RBBP4: variants seen among roughly 807,000 people sequenced by gnomAD.
The protein encoded by RBBP4 is histone-binding protein RBBP4.
In RBBP4, 3 loss-of-function variants were observed where a neutral mutation model predicts 57.2. The ratio of observed to expected loss-of-function variants is 0.05; its 90% CI spans 0.02 to 0.14. The LOEUF (loss-of-function observed/expected upper bound fraction) is 0.14. Ranked by LOEUF, RBBP4 falls within the 10% of genes least tolerant of loss-of-function variation. RBBP4 has a pLI of 1.00. For missense variants in RBBP4, 107 were observed against 520.6 expected (o/e 0.21, Z 7.73); for synonymous variants, 151 against 171.5 (o/e 0.88, Z 0.93).
At position 32,668,418 on chromosome 1, in the gene RBBP4, C is replaced by A. The variant is rs1648742299; in HGVS notation, c.484+20C>A. The A allele has an allele frequency of 6.5e-7, 1 of 1,546,760 alleles. No homozygotes were observed. On this transcript the variant is annotated intron_variant, in intron 4 of 11. Transcript: ENST00000373493. The stretch of plus-strand genomic sequence containing the variant: ...AACCAGGTATGTGCCCTTTTCTATT[C>A]AAATACAAATGAGTCACTATAGAAA...
chr1:32,673,850 G>A (rs1648980593), intron 11 of RBBP4, among the ~76,000 whole-genome samples: 1 of 152,164 alleles, frequency 6.6e-6, no homozygotes, highest in African/African-American at 2.4e-5. Context: ...TGTAATCCCA[G>A]TACTCTGGGA....
At chr1:32,678,755 G>A (rs776508132) in intron 11 of RBBP4, among the ~76,000 whole-genome samples, 2 of 151,246 alleles carry the variant, frequency 1.3e-5, no homozygotes, top group African/African-American at 2.4e-5. Flanking sequence ...ACACATGGCT[G>A]ATTTTTGTAT....
At chr1:32,652,445 A>G in intron 2 of RBBP4, 1 of 185,858 alleles carries the variant, frequency 5.4e-6, no homozygotes, top group East Asian at 1.4e-4. Flanking sequence ...TGAGGCCAGG[A>G]GTTGGAGACC....
At position 32,683,928 on chromosome 1, in the gene RBBP4, C is replaced by T. The variant is rs1365087013; in HGVS notation, c.*4223C>T. On this transcript the variant is annotated 3_prime_UTR_variant, in exon 12 of 12. Coordinates refer to ENST00000373493, the MANE Select transcript of RBBP4 (RefSeq NM_005610.3). ...GATTACAGGCGTGAGCCACCCCGTC[C>T]GGCCTGTTTTTAAGGCATTAATTAG... 1.8e-5 allele frequency: 26 copies of T among 1,411,848 alleles called. No homozygotes were observed. The highest frequency in any genetic ancestry group is 1.8e-4 in the Middle Eastern group (1 of 5,672). The allele number at this position is 1,411,848 out of a possible 1,614,324, so 87.5% of individuals were successfully genotyped here.
At chr1:32,659,329 G>A (rs574309258) in intron 3 of RBBP4, among the ~76,000 whole-genome samples, 1 of 151,966 alleles carries the variant, frequency 6.6e-6, no homozygotes, top group South Asian at 2.1e-4. Context: ...GGGAGGCTGA[G>A]ACCAGTGGAT....
At chr1:32,662,758 T>C (rs1183754129) in intron 3 of RBBP4, among the ~76,000 whole-genome samples, 1 of 151,380 alleles carries the variant, frequency 6.6e-6, no homozygotes, top group African/African-American at 2.4e-5. Flanking sequence ...GGCCGAGGCT[T>C]ATGGATCACG....
intron 3 of RBBP4, among the ~76,000 whole-genome samples, chr1:32,659,877 G>A (rs1429964721): frequency 1.3e-5 from 2 of 152,122 alleles, no homozygotes; most frequent in African/African-American, 2.4e-5. Flanking sequence ...GACTTCAAAA[G>A]CATAGTTTTG....
In RBBP4 at chr1:32,669,990, G is replaced by A. The variant is rs915685045; in HGVS notation, c.966+427G>A. ...AATCTATATGCCTATGCTACTTTCT[G>A]TGGGAATTGTTTTTTCTTTGTTATT... On this transcript the variant is annotated intron_variant, in intron 8 of 11. Coordinates refer to ENST00000373493, the MANE Select transcript of RBBP4 (RefSeq NM_005610.3). The surrounding 1 kb of genome is among the most constrained non-coding windows in gnomAD (Gnocchi z 4.9). Among the ~76,000 whole-genome samples, 3 of 152,210 alleles carry A rather than the reference G, an allele frequency of 2.0e-5. No homozygotes were observed. The highest frequency in any genetic ancestry group is 2.9e-5 in the Non-Finnish European group (2 of 68,024).
intron 11 of RBBP4, chr1:32,673,545 C>G (rs928119908): frequency 2.5e-6 from 1 of 396,656 alleles, no homozygotes; most frequent in Non-Finnish European, 4.9e-6. Context: ...TCGATCGATT[C>G]TCCTGCCTCA....
chr1:32,654,548 A>G (rs375125811), intron 2 of RBBP4, among the ~76,000 whole-genome samples: 17 of 152,344 alleles, frequency 1.1e-4, no homozygotes, highest in East Asian at 5.8e-4. Flanking sequence ...GAAACTTCCC[A>G]AGTAATATAA....
chr1:32,670,674 G>A (rs1648835341), intron 8 of RBBP4, among the ~76,000 whole-genome samples: 1 of 152,106 alleles, frequency 6.6e-6, no homozygotes, highest in Admixed American at 6.5e-5. Flanking sequence ...CCAGGCTAAA[G>A]GGATTCTCCT....
chr1:32,665,465 G>A (rs1648603843), intron 3 of RBBP4, among the ~76,000 whole-genome samples: 1 of 152,076 alleles, frequency 6.6e-6, no homozygotes, highest in Non-Finnish European at 1.5e-5. Flanking sequence ...ATTATCTGAT[G>A]TCAGGAGTTC....
intron 2 of RBBP4, 45 bp from the exon 3 acceptor site, chr1:32,657,382 C>A: frequency 6.3e-7 from 1 of 1,577,618 alleles, no homozygotes; most frequent in Non-Finnish European, 8.7e-7. Context: ...TTCGCCGTCT[C>A]CTGATGTTAC....
At chr1:32,651,390 C>G in intron 1 of RBBP4, 68 bp downstream of exon 1, 3 of 1,400,278 alleles carry the variant, frequency 2.1e-6, no homozygotes, top group Non-Finnish European at 2.8e-6. Flanking sequence ...TCGACATGGC[C>G]TAACAGTGAG....
chr1:32,655,222 C>T (rs1557850610), intron 2 of RBBP4, among the ~76,000 whole-genome samples: 1 of 150,958 alleles, frequency 6.6e-6, no homozygotes, highest in Non-Finnish European at 1.5e-5. Context: ...AGTGATCCTC[C>T]CACTTTGACC....
rs550698580 is a variant in RBBP4, at chr1:32,684,089, C to G, written c.*4384C>G. The G allele has an allele frequency of 6.2e-7, 1 of 1,610,032 alleles. No homozygotes were observed. The highest frequency in any genetic ancestry group is 1.4e-5 in the African/African-American group (1 of 71,870). Reference sequence around the variant, plus strand: ...CCAGGCTCTTGGGTAGTAGCATAGCCCTTTAAAAAGAGAGAGCCATTTTCC... The same window carrying G: ...CCAGGCTCTTGGGTAGTAGCATAGCGCTTTAAAAAGAGAGAGCCATTTTCC... On this transcript the variant is annotated 3_prime_UTR_variant, in exon 12 of 12. Coordinates refer to ENST00000373493, the MANE Select transcript of RBBP4 (RefSeq NM_005610.3).
At chr1:32,673,297 C>T (rs1323380623) in intron 11 of RBBP4, among the ~76,000 whole-genome samples, 2 of 152,166 alleles carry the variant, frequency 1.3e-5, no homozygotes, top group Non-Finnish European at 2.9e-5. Flanking sequence ...ATCTTATCAT[C>T]TTACAAGTAC....
At chr1:32,661,018 G>T (rs1648381240) in intron 3 of RBBP4, among the ~76,000 whole-genome samples, 1 of 151,868 alleles carries the variant, frequency 6.6e-6, no homozygotes, top group Admixed American at 6.6e-5. Flanking sequence ...TCACCACGTT[G>T]CCCAGGCTGG....
chr1:32,677,981 T>C (rs1649180288), intron 11 of RBBP4, among the ~76,000 whole-genome samples: 1 of 152,156 alleles, frequency 6.6e-6, no homozygotes, highest in Non-Finnish European at 1.5e-5. Flanking sequence ...GCAGTAGAAG[T>C]AGAGTTTATT....
Sources: gnomAD v4.1 joint callset for allele counts (sites outside exome capture counted in the v4.1 genomes callset) on GRCh38, gnomAD v4.1.1 for gene constraint, Gnocchi (gnomAD v3.1) non-coding constraint, MANE v1.5 for transcripts, NCBI Gene and HGNC (gene_info 2026-07-23, HGNC 2026-07-21) for gene names.